Variants in SPTBN5 observed in about 807,000 individuals in gnomAD.
SPTBN5 encodes spectrin beta, non-erythrocytic 5.
In SPTBN5, 513 loss-of-function variants were observed where a neutral mutation model predicts 477.6. The observed-to-expected ratio is 1.07, with a 90% CI of 1.00 to 1.16. The LOEUF is 1.16. SPTBN5 is among the 50% of genes most tolerant of loss of function. The pLI, the probability that SPTBN5 is intolerant of heterozygous loss-of-function variation, is 0.00. For synonymous variants in SPTBN5, 2,169 were observed against 2,011.7 expected, an observed-to-expected ratio of 1.08 and a Z score of -2.09; for missense variants, 5,062 against 4,731.8, an observed-to-expected ratio of 1.07 and a Z score of -2.05.
intron 3 of SPTBN5, among the ~76,000 whole-genome samples, chr15:41,890,937 G>A (rs1031198669): frequency 6.6e-6 from 1 of 152,222 alleles, no homozygotes; most frequent in Non-Finnish European, 1.5e-5. Context: ...AGGCCCATGG[G>A]ATTCTTATAG....
Position 41,855,647 on chromosome 15 carries a change from C to G in SPTBN5, c.9120G>C (p.Arg3040=), listed in dbSNP as rs779970643. ...SAEATQALLR[R]LEATKRDLEA... is the part of the protein sequence containing the mutation. ...CCAGGTCTCTCTTGGTGGCCTCCAG[C>G]CGCCGCAGAAGGGCCTGTGTGGCTT... Residue 3040 remains arginine, a synonymous_variant, in exon 54 of 68, where the codon CGG becomes CGC. Transcript: ENST00000320955. The G allele has an allele frequency of 1.2e-6, 2 of 1,608,352 alleles. No homozygotes were observed. Among genetic ancestry groups the G allele is most frequent in the Non-Finnish European group, 1.7e-6 (2 of 1,178,882 alleles).
Position 41,868,594 on chromosome 15 carries a change from T to G in SPTBN5, c.5861A>C (p.Asp1954Ala). 2 of 1,599,250 alleles carry G rather than the reference T, an allele frequency of 1.3e-6. No individual in the cohort carries two copies. Among genetic ancestry groups the G allele is most frequent in the Non-Finnish European group, 1.7e-6 (2 of 1,179,316 alleles). ...LLARFRTAVRDYASWAARVRQ... is the reference protein window; with the variant it reads ...LLARFRTAVRAYASWAARVRQ... ...CACGCGGGCTGCCCAGGAGGCATAG[T>G]CACGCACCTGATCCCGGGGACACGG... The change falls in exon 33 of 68, where the codon GAC becomes GCC. Residue 1954 changes from aspartate to alanine, a missense_variant. By Grantham distance (126) the Asp-to-Ala change is moderately radical. Transcript: ENST00000320955.
rs757276816 is a variant in SPTBN5 at position 41,861,416 on chromosome 15, T to C, written c.7815+3A>G. On this transcript the variant is annotated splice_donor_region_variant and intron_variant, in intron 46 of 67. Coordinates refer to ENST00000320955, the MANE Select transcript of SPTBN5 (RefSeq NM_016642.4). ...CTCCTGCCCATTCCTGCTGGGCACC[T>C]ACCCATAGACCCTCACTGGCTAGGG... The C allele has an allele frequency of 8.7e-6, 14 of 1,612,616 alleles. No homozygotes were observed. Among genetic ancestry groups the C allele is most frequent in the South Asian group, 4.4e-5 (4 of 91,070 alleles).
rs371637036 is a variant in SPTBN5 at position 41,866,396 on chromosome 15, G to A, written c.6578C>T (p.Ala2193Val). 5.6e-6 allele frequency: 9 copies of A among 1,611,686 alleles called. No homozygotes were observed. In the African/African-American group the frequency reaches 9.3e-5, roughly 17 times the overall value. Residue 2193 changes from alanine to valine, a missense_variant, in exon 37 of 68, where the codon GCC becomes GTC. By Grantham distance (64) the Ala-to-Val change is moderately conservative. Coordinates refer to ENST00000320955, the MANE Select transcript of SPTBN5 (RefSeq NM_016642.4). ...DKLKPLLKHQ[A>V]FEAEVQAHEE... ...ATGGGCCTGGACTTCAGCCTCAAAG[G>A]CCTGGTGTTTCAGCAGGGGCTTCAG...
At position 41,882,393 on chromosome 15, in the gene SPTBN5, C is replaced by T; in HGVS notation, c.2123G>A (p.Arg708His). ...GGGATCCGGCTGCGTTGGGGGCCTGCGGGCGCTGAGGTCGCGTCCCCTCCG... is the reference window on the plus strand; with the variant it reads ...GGGATCCGGCTGCGTTGGGGGCCTGTGGGCGCTGAGGTCGCGTCCCCTCCG... The part of the protein sequence containing the change: ...LVRRGRDLSA[R>H]RPPTQPDPGE... Residue 708 changes from arginine (R) to histidine (H), a missense_variant, in exon 11 of 68, where the codon CGC (arginine) becomes CAC (histidine). Coordinates refer to ENST00000320955, the MANE Select transcript of SPTBN5 (RefSeq NM_016642.4). 2.6e-6 allele frequency: 4 copies of T among 1,538,888 alleles called. No homozygotes were observed. Among genetic ancestry groups the T allele is most frequent in the Non-Finnish European group, 3.5e-6 (4 of 1,148,398 alleles).
intron 7 of SPTBN5, among the ~76,000 whole-genome samples, 190 bp from the exon 8 acceptor site, chr15:41,883,676 T>C (rs983641160): frequency 2.0e-5 from 3 of 152,160 alleles, no homozygotes; most frequent in Admixed American, 1.3e-4. Context: ...TTTGGACACA[T>C]GCAGAGAAGC....
chr15:41,848,319 A>G lies in SPTBN5; in HGVS notation c.*297T>C, dbSNP rs1287916023. The G allele has an allele frequency of 5.6e-6, 3 of 540,200 alleles. No homozygotes were observed. The highest frequency in any genetic ancestry group is 3.8e-5 in the African/African-American group (2 of 52,604). 33.5% of individuals were successfully genotyped at this position (540,200 alleles called of 1,614,324 possible). A position where few individuals can be genotyped will look rare whatever the true frequency, so the allele number is the denominator to read the frequency against. On this transcript the variant is annotated 3_prime_UTR_variant, in exon 68 of 68. Transcript: ENST00000320955. ...GTGCTCAGAGTCACCCCTTCCAAGC[A>G]AGGAGGAGGCCACATGGGCCTGGGG...
intron 4 of SPTBN5, among the ~76,000 whole-genome samples, chr15:41,888,311 G>C (rs997793105): frequency 5.3e-5 from 8 of 152,264 alleles, no homozygotes; most frequent in African/African-American, 1.9e-4. Flanking sequence ...GTGGAGCAAG[G>C]GAAAAGCCGT....
chr15:41,848,151 C>CGCTGAGACCATCTGTTATTACT lies in SPTBN5; in HGVS notation c.*443_*464dup. 1.8e-6 allele frequency: 1 copy of CGCTGAGACCATCTGTTATTACT among 550,802 alleles called. No individual in the cohort carries two copies. The highest frequency in any genetic ancestry group is 3.3e-6 in the Non-Finnish European group (1 of 307,360). 34.1% of individuals were successfully genotyped at this position (550,802 alleles called of 1,614,324 possible). A position where few individuals can be genotyped will look rare whatever the true frequency, so the allele number is the denominator to read the frequency against. ...ATCACAGACTCATACAAATGTGAGG[C>CGCTGAGACCATCTGTTATTACT]GCTGAGACCATCTGTTATTACTGCT... On this transcript the variant is annotated 3_prime_UTR_variant, in exon 68 of 68. Coordinates refer to ENST00000320955, the MANE Select transcript of SPTBN5 (RefSeq NM_016642.4).
At chr15:41,872,082 G>A (rs2140944201) in intron 27 of SPTBN5, among the ~76,000 whole-genome samples, 165 bp from the exon 28 acceptor site, 1 of 152,372 alleles carries the variant, frequency 6.6e-6, no homozygotes, top group Admixed American at 6.5e-5. Flanking sequence ...GCAGGTGTAG[G>A]GGCAGAGGAG....
rs776171175 is a variant in SPTBN5 at position 41,865,833 on chromosome 15, C to T, written c.6893G>A (p.Arg2298His). 78 of 1,571,248 alleles carry T rather than the reference C, an allele frequency of 5.0e-5. No individual in the cohort carries two copies. In the Middle Eastern group the frequency reaches 1.1e-3, roughly 22 times the overall value. Reference sequence around the variant, plus strand: ...CCCGGCCGAGTTTCCTCGGAACTCGCGGAGCCGCCGTCGGAGCTGCAGGCA... The same window carrying T: ...CCCGGCCGAGTTTCCTCGGAACTCGTGGAGCCGCCGTCGGAGCTGCAGGCA... ...EHCLQLRRRL[R>H]EFRGNSAGDT... Residue 2298 changes from arginine to histidine, a missense_variant, in exon 39 of 68, where the codon CGC becomes CAC. Coordinates refer to ENST00000320955, the MANE Select transcript of SPTBN5 (RefSeq NM_016642.4).
chr15:41,852,370 A>C (rs1364167681), intron 61 of SPTBN5, 54 bp from the exon 62 acceptor site: 2 of 1,506,650 alleles, frequency 1.3e-6, no homozygotes, highest in Non-Finnish European at 1.8e-6. Flanking sequence ...GACCAGCCAC[A>C]CCTCAGGTTC....
chr15:41,862,885 G>T lies in SPTBN5; in HGVS notation c.7168C>A (p.Leu2390Met). Residue 2390 changes from leucine to methionine, a missense_variant, in exon 42 of 68, where the codon CTG becomes ATG. Leu to Met is a conservative substitution (Grantham distance 15). Transcript: ENST00000320955. ...IQEKEALIQALDCGKDLESVQ... is the reference protein window; with the variant it reads ...IQEKEALIQAMDCGKDLESVQ... ...CTCTCCAGATCTTTCCCACAGTCCA[G>T]GGCCTGGATCAGGGCTTCCTGGAGG... is the stretch of plus-strand genomic sequence containing the variant. 2 of 1,583,346 alleles carry T rather than the reference G, an allele frequency of 1.3e-6. No homozygotes were observed. Among genetic ancestry groups the T allele is most frequent in the East Asian group, 2.3e-5 (1 of 43,222 alleles).
intron 67 of SPTBN5, among the ~76,000 whole-genome samples, chr15:41,849,067 G>C (rs1051370722): frequency 1.3e-5 from 2 of 152,202 alleles, no homozygotes; most frequent in African/African-American, 4.8e-5. Context: ...CCAGGCACAC[G>C]GCTGTATATG....
At position 41,873,586 on chromosome 15, in the gene SPTBN5, A is replaced by C; in HGVS notation, c.4913T>G (p.Leu1638Arg). The C allele has an allele frequency of 6.4e-7, 1 of 1,552,126 alleles. No individual in the cohort carries two copies. The highest frequency in any genetic ancestry group is 8.7e-7 in the Non-Finnish European group (1 of 1,147,318). Residue 1638 changes from leucine (L) to arginine (R), a missense_variant, in exon 26 of 68, where the codon CTG becomes CGG. Leu to Arg is a moderately radical substitution (Grantham distance 102, BLOSUM62 -2). Coordinates refer to ENST00000320955, the MANE Select transcript of SPTBN5 (RefSeq NM_016642.4). The part of the protein sequence containing the change: ...FQQYFLDVSE[L>R]EGWVEEKRPL... ...CCGCTTCTCCTCCACCCAGCCCTCC[A>C]GCTCTGACACATCCAGAAAGTACTG...
rs751070750 is a variant in SPTBN5 at position 41,893,020 on chromosome 15, G to C, written c.258C>G (p.Asp86Glu). ...CCAGCAGCCGCAGGAGGTGGATGCC[G>C]TCAGCCAGCTCTGTGTACAGGTTCC... ...KIRNLYTELA[D>E]GIHLLRLLEL... Residue 86 changes from aspartate (D) to glutamate (E), a missense_variant, in exon 3 of 68, where the codon GAC becomes GAG. By Grantham distance (45) the Asp-to-Glu change is conservative (BLOSUM62 2). Transcript: ENST00000320955. 9 of 1,611,080 alleles carry C rather than the reference G, an allele frequency of 5.6e-6. No individual in the cohort carries two copies. The highest frequency in any genetic ancestry group is 1.7e-5 in the Admixed American group (1 of 59,934).
At chr15:41,874,106 A>G in intron 24 of SPTBN5, 61 bp from the exon 25 acceptor site, 1 of 1,535,744 alleles carries the variant, frequency 6.5e-7, no homozygotes, top group Non-Finnish European at 8.8e-7. Flanking sequence ...GAGCAGAGCC[A>G]TGGATGTGGC....
In SPTBN5 at chr15:41,858,896, G is replaced by C; in HGVS notation, c.8073C>G (p.Ser2691=). The change falls in exon 48 of 68, where the codon TCC becomes TCG. Residue 2691 remains serine (S), a synonymous_variant. Coordinates refer to ENST00000320955, the MANE Select transcript of SPTBN5 (RefSeq NM_016642.4). ...LRQLQAFLQD[S]QEVAAWLREK... ...CTCTCCAAGCGAGGCGAACCTCCTG[G>C]GAGTCCTGCAGGAAGGCCTGCAGCT... The C allele has an allele frequency of 6.3e-7, 1 of 1,588,768 alleles. No individual in the cohort carries two copies.
intron 65 of SPTBN5, 49 bp downstream of exon 65, chr15:41,851,010 G>A (rs1411404333): frequency 1.9e-6 from 3 of 1,595,296 alleles, no homozygotes; most frequent in Middle Eastern, 1.7e-4. Flanking sequence ...CCCCCGCTGA[G>A]CCAGGTGGCT....
Sources: allele counts gnomAD v4.1 joint callset (sites outside exome capture counted in the v4.1 genomes callset), GRCh38; gene constraint gnomAD v4.1.1; transcripts MANE v1.5; gene names NCBI Gene and HGNC (gene_info 2026-07-23, HGNC 2026-07-21).